CADM2: variants seen among roughly 807,000 people sequenced by gnomAD.
The protein encoded by CADM2 is cell adhesion molecule 2.
CADM2 carries 12 observed loss-of-function variants against 49.8 expected under a neutral mutation model. The ratio of observed to expected loss-of-function variants is 0.24; its 90% CI spans 0.15 to 0.39. The LOEUF is 0.39. Ranked by LOEUF, CADM2 falls within the 10% of genes least tolerant of loss-of-function variation. CADM2 has a pLI of 1.00. For synonymous variants in CADM2, 214 were observed against 175.4 expected, an observed-to-expected ratio of 1.22 and a Z score of -1.74; for missense variants, 378 against 492.3, an observed-to-expected ratio of 0.77 and a Z score of 2.20.
At chr3:85,295,968 C>T (rs975192089) in intron 1 of CADM2, among the ~76,000 whole-genome samples, 3 of 151,214 alleles carry the variant, frequency 2.0e-5, no homozygotes, top group East Asian at 1.9e-4. Context: ...AAGTAGTAAA[C>T]CTAGTATATA....
chr3:86,000,829 GT>G (rs1024974795), intron 8 of CADM2, among the ~76,000 whole-genome samples: 1 of 152,106 alleles, frequency 6.6e-6, no homozygotes. Flanking sequence ...AAGAATTTGA[GT>G]TTTTATCCTA....
intron 8 of CADM2, among the ~76,000 whole-genome samples, chr3:86,031,531 A>G (rs1283889241): frequency 2.0e-5 from 3 of 151,842 alleles, no homozygotes; most frequent in African/African-American, 7.2e-5. Flanking sequence ...ATCCTTTTAC[A>G]TTAAAATTAA....
At chr3:85,823,058 G>C (rs949684277) in intron 3 of CADM2, among the ~76,000 whole-genome samples, 1 of 152,106 alleles carries the variant, frequency 6.6e-6, no homozygotes, top group Admixed American at 6.6e-5. Flanking sequence ...AAGGCTGGCT[G>C]TCCAACCTAC....
At chr3:85,457,452 T>C (rs2038047181) in intron 1 of CADM2, among the ~76,000 whole-genome samples, 1 of 152,108 alleles carries the variant, frequency 6.6e-6, no homozygotes, top group South Asian at 2.1e-4. Context: ...ATTATGAATT[T>C]CTTATATTTT....
At chr3:86,058,962 T>A (rs1738306633) in intron 8 of CADM2, among the ~76,000 whole-genome samples, 1 of 151,736 alleles carries the variant, frequency 6.6e-6, no homozygotes. Context: ...GGCATGGTGA[T>A]GCATGCCTAT....
rs559691203 is a variant in CADM2 at position 85,874,953 on chromosome 3, C to A, written c.239-8338C>A. On this transcript the variant is annotated intron_variant, in intron 3 of 9. Transcript: ENST00000383699. Reference sequence around the variant, plus strand: ...ACATAGAAATACTAGGGTGTAAAAACTGAAATTCTATTACTGAAAAACTGT... The same window carrying A: ...ACATAGAAATACTAGGGTGTAAAAAATGAAATTCTATTACTGAAAAACTGT... Among the ~76,000 whole-genome samples the A allele has an allele frequency of 2.6e-5, 4 of 152,210 alleles. No individual in the cohort carries two copies. In the South Asian group the frequency reaches 8.3e-4, roughly 32 times the overall value.
chr3:86,051,863 C>T (rs1737380503), intron 8 of CADM2, among the ~76,000 whole-genome samples: 1 of 152,088 alleles, frequency 6.6e-6, no homozygotes, highest in African/African-American at 2.4e-5. Context: ...GAAACCGTTC[C>T]CACAATCCAA....
At chr3:85,436,753 C>G (rs528728216) in intron 1 of CADM2, among the ~76,000 whole-genome samples, 3 of 152,092 alleles carry the variant, frequency 2.0e-5, no homozygotes, top group African/African-American at 7.2e-5. Flanking sequence ...TAAGATTTCC[C>G]GTGTACTCAC....
chr3:85,721,672 C>A (rs9824701), intron 1 of CADM2, among the ~76,000 whole-genome samples: 107,985 of 152,062 alleles, frequency 0.71, 38,607 homozygotes, highest in African/African-American at 0.77. Context: ...GCACCGGGAA[C>A]CAAGGTAGTG....
intron 8 of CADM2, among the ~76,000 whole-genome samples, chr3:85,977,256 AC>A (rs1487446690): frequency 4.6e-5 from 7 of 151,468 alleles, no homozygotes; most frequent in African/African-American, 1.7e-4. Context: ...TTGAAAGACT[AC>A]TTTTCTTATT....
chr3:85,803,500 A>ATAGATAGATAG (rs2072191944), intron 3 of CADM2, among the ~76,000 whole-genome samples: 3 of 149,546 alleles, frequency 2.0e-5, no homozygotes, highest in Admixed American at 6.7e-5. Flanking sequence ...TAGATAGATA[A>ATAGATAGATAG]ATAGATAGAT....
intron 8 of CADM2, among the ~76,000 whole-genome samples, chr3:86,044,182 A>G (rs1736333792): frequency 6.6e-6 from 1 of 152,228 alleles, no homozygotes; most frequent in African/African-American, 2.4e-5. Flanking sequence ...CACAAAAAGC[A>G]ACGGCAACAC....
intron 1 of CADM2, among the ~76,000 whole-genome samples, chr3:85,516,792 T>C (rs1297421320): frequency 6.6e-6 from 1 of 152,050 alleles, no homozygotes; most frequent in Non-Finnish European, 1.5e-5. Context: ...AAAATCATAC[T>C]TCCAAAATTG....
intron 1 of CADM2, among the ~76,000 whole-genome samples, chr3:85,390,085 A>G (rs1237827476): frequency 6.6e-6 from 1 of 152,098 alleles, no homozygotes; most frequent in Non-Finnish European, 1.5e-5. Flanking sequence ...AAAACACAAT[A>G]AAAAACAAAT....
At chr3:85,617,485 A>G (rs762349854) in intron 1 of CADM2, among the ~76,000 whole-genome samples, 1 of 152,114 alleles carries the variant, frequency 6.6e-6, no homozygotes, top group Non-Finnish European at 1.5e-5. Context: ...AGTTTTGTTC[A>G]TCTTCTTGCA....
At position 86,067,652 on chromosome 3, in the gene CADM2, A is replaced by G. The variant is rs1739478834; in HGVS notation, c.*869A>G. ...GGGCACAATTTTCAGACATTTTAGTATCTGTATATAGTGCATATAATAAAT... is the reference window on the plus strand; with the variant it reads ...GGGCACAATTTTCAGACATTTTAGTGTCTGTATATAGTGCATATAATAAAT... On this transcript the variant is annotated 3_prime_UTR_variant, in exon 10 of 10. Transcript: ENST00000383699. 2 of 152,526 alleles carry G rather than the reference A, an allele frequency of 1.3e-5. No individual in the cohort carries two copies. Among genetic ancestry groups the G allele is most frequent in the South Asian group, 2.1e-4 (1 of 4,834 alleles). The allele number at this position is 152,526 out of a possible 1,614,324, so 9.4% of individuals were successfully genotyped here. A position where few individuals can be genotyped will look rare whatever the true frequency, so the allele number is the denominator to read the frequency against.
intron 1 of CADM2, among the ~76,000 whole-genome samples, chr3:85,499,243 A>G (rs932784505): frequency 3.3e-5 from 5 of 152,092 alleles, no homozygotes; most frequent in African/African-American, 1.2e-4. Flanking sequence ...ATGAGGGAAA[A>G]TTCTCACAGG....
intron 1 of CADM2, among the ~76,000 whole-genome samples, chr3:85,707,099 T>A (rs1201456413): frequency 6.6e-6 from 1 of 152,106 alleles, no homozygotes; most frequent in Admixed American, 6.6e-5. Context: ...CCCAAGTAGC[T>A]GGGACTACAG....
chr3:85,770,196 T>G (rs1351773875), intron 2 of CADM2, among the ~76,000 whole-genome samples: 1 of 152,144 alleles, frequency 6.6e-6, no homozygotes, highest in Non-Finnish European at 1.5e-5. Context: ...CGATGTCATT[T>G]CTAGACCAAA....
Sources: allele counts gnomAD v4.1 joint callset (sites outside exome capture counted in the v4.1 genomes callset), GRCh38; gene constraint gnomAD v4.1.1; transcripts MANE v1.5; gene names NCBI Gene and HGNC (gene_info 2026-07-23, HGNC 2026-07-21).